Variants in RAB6B observed in about 807,000 individuals in gnomAD.
The protein encoded by RAB6B is RAB6B, member RAS oncogene family.
In RAB6B, 7 loss-of-function variants were observed where a neutral mutation model predicts 31.2. The ratio of observed to expected loss-of-function variants is 0.22; its 90% CI spans 0.13 to 0.42. The LOEUF (loss-of-function observed/expected upper bound fraction) is 0.42. Among genes scored for constraint, RAB6B ranks in the 10% least tolerant of loss-of-function variants. The pLI, the probability that RAB6B is intolerant of heterozygous loss-of-function variation, is 1.00. For missense variants in RAB6B, 149 were observed against 280.6 expected, an observed-to-expected ratio of 0.53 and a Z score of 3.35; for synonymous variants, 105 against 104.9, an observed-to-expected ratio of 1.00 and a Z score of -0.01.
At chr3:133,836,980 G>A (rs573841007) in intron 6 of RAB6B, among the ~76,000 whole-genome samples, 2 of 152,332 alleles carry the variant, frequency 1.3e-5, no homozygotes, top group South Asian at 2.1e-4. Context: ...GAAGGCCAGT[G>A]CTGTATACAC....
At chr3:133,874,014 G>A (rs1254410776) in intron 1 of RAB6B, among the ~76,000 whole-genome samples, 1 of 152,138 alleles carries the variant, frequency 6.6e-6, no homozygotes, top group Non-Finnish European at 1.5e-5. Context: ...TTGTCTTTAC[G>A]TTGAATAGGC....
rs1422989361 is a variant in RAB6B, at chr3:133,825,213, T to G, written c.*3575A>C. 1 of 152,214 alleles carries G rather than the reference T, an allele frequency of 6.6e-6. No individual in the cohort carries two copies. The highest frequency in any genetic ancestry group is 1.5e-5 in the Non-Finnish European group (1 of 68,042). The allele number at this position is 152,214 out of a possible 1,614,324, so 9.4% of individuals were successfully genotyped here. A position where few individuals can be genotyped will look rare whatever the true frequency, so the allele number is the denominator to read the frequency against. On this transcript the variant is annotated 3_prime_UTR_variant, in exon 8 of 8. Coordinates refer to ENST00000285208, the MANE Select transcript of RAB6B (RefSeq NM_016577.4). The stretch of plus-strand genomic sequence containing the variant: ...ACCTGCCTTCCATCTTGTGAAGGAA[T>G]GAGGCTGCTCTACCTGCAGGATGCT...
At chr3:133,856,134 T>C (rs147339802) in intron 2 of RAB6B, among the ~76,000 whole-genome samples, 4 of 152,210 alleles carry the variant, frequency 2.6e-5, no homozygotes, top group African/African-American at 9.6e-5. Flanking sequence ...ACATGACTTC[T>C]TGCACCTACA....
chr3:133,839,445 C>T, intron 5 of RAB6B, 61 bp downstream of exon 5: 1 of 1,412,728 alleles, frequency 7.1e-7, no homozygotes, highest in East Asian at 2.3e-5. Flanking sequence ...AGCTCCCTGT[C>T]CAGGAGCAGT....
intron 1 of RAB6B, among the ~76,000 whole-genome samples, chr3:133,865,664 T>A (rs1936228621): frequency 6.6e-6 from 1 of 152,232 alleles, no homozygotes. Flanking sequence ...GGACAGGTAA[T>A]GCTGGCAGGC....
At position 133,828,073 on chromosome 3, in the gene RAB6B, T is replaced by G. The variant is rs575572282; in HGVS notation, c.*715A>C. 3.0e-6 allele frequency: 2 copies of G among 676,246 alleles called. No individual in the cohort carries two copies. Among genetic ancestry groups the G allele is most frequent in the South Asian group, 1.6e-5 (1 of 63,896 alleles). 41.9% of individuals were successfully genotyped at this position (676,246 alleles called of 1,614,324 possible). On this transcript the variant is annotated 3_prime_UTR_variant, in exon 8 of 8. Transcript: ENST00000285208. ...CTGTACCCTCAACCCCCTTCAAGGC[T>G]TTTCAGGGAAAGAGAAGGAGAGGTG...
chr3:133,884,699 A>T (rs986168954), intron 1 of RAB6B, among the ~76,000 whole-genome samples: 5 of 151,108 alleles, frequency 3.3e-5, no homozygotes, highest in Non-Finnish European at 7.4e-5. Context: ...GTGCTCACAC[A>T]CCCAGTGCCC....
At chr3:133,865,046 C>G (rs1401758036) in intron 1 of RAB6B, among the ~76,000 whole-genome samples, 1 of 152,248 alleles carries the variant, frequency 6.6e-6, no homozygotes, top group East Asian at 1.9e-4. Flanking sequence ...TGGTCATACA[C>G]TGGAATGGAA....
chr3:133,875,856 CA>C (rs1936387815), intron 1 of RAB6B, among the ~76,000 whole-genome samples: 1 of 152,132 alleles, frequency 6.6e-6, no homozygotes. Flanking sequence ...ACGCTGGTGC[CA>C]AGAGTCAACC....
At chr3:133,838,312 C>A in intron 5 of RAB6B, 53 bp from the exon 6 acceptor site, 2 of 1,542,126 alleles carry the variant, frequency 1.3e-6, no homozygotes, top group Non-Finnish European at 9.0e-7. Context: ...CAGACCCTGG[C>A]AGATATGAGG....
chr3:133,859,951 T>A (rs553210023), intron 2 of RAB6B, among the ~76,000 whole-genome samples: 3 of 152,236 alleles, frequency 2.0e-5, no homozygotes, highest in Admixed American at 2.0e-4. Flanking sequence ...TAAAAAGACA[T>A]GTGGCCAAGA....
chr3:133,845,571 A>C (rs1325132021), intron 2 of RAB6B, among the ~76,000 whole-genome samples: 1 of 152,244 alleles, frequency 6.6e-6, no homozygotes, highest in Non-Finnish European at 1.5e-5. Context: ...AGCAGCCTGA[A>C]TGGATGAAGA....
rs879635092 is a variant in RAB6B at position 133,824,691 on chromosome 3, CTT to C, written c.*4095_*4096del. 2.6e-5 allele frequency: 4 copies of C among 152,200 alleles called. No homozygotes were observed. Among genetic ancestry groups the C allele is most frequent in the Non-Finnish European group, 5.9e-5 (4 of 68,062 alleles). 9.4% of individuals were successfully genotyped at this position (152,200 alleles called of 1,614,324 possible). On this transcript the variant is annotated 3_prime_UTR_variant, in exon 8 of 8. Coordinates refer to ENST00000285208, the MANE Select transcript of RAB6B (RefSeq NM_016577.4). ...GCCCATGACAATCAATCAGAGTAGA[CTT>C]GGGGACTGGCCCTTGTGCAGTAGAG...
intron 1 of RAB6B, among the ~76,000 whole-genome samples, chr3:133,894,881 C>T (rs1936685372): frequency 6.6e-6 from 1 of 152,218 alleles, no homozygotes; most frequent in African/African-American, 2.4e-5. Context: ...ACGCCCTGGA[C>T]GTGCCCTTTC....
chr3:133,871,046 G>A (rs966959999), intron 1 of RAB6B, among the ~76,000 whole-genome samples: 1 of 152,248 alleles, frequency 6.6e-6, no homozygotes, highest in Non-Finnish European at 1.5e-5. Context: ...CAGGTCCCAG[G>A]TAAACAGATT....
chr3:133,866,622 G>A (rs561755012), intron 1 of RAB6B, among the ~76,000 whole-genome samples: 1 of 152,362 alleles, frequency 6.6e-6, no homozygotes, highest in African/African-American at 2.4e-5. Flanking sequence ...GCTATAAAGA[G>A]CATTCTGACT....
intron 1 of RAB6B, among the ~76,000 whole-genome samples, chr3:133,868,199 C>T (rs1374916199): frequency 6.6e-6 from 1 of 152,224 alleles, no homozygotes; most frequent in African/African-American, 2.4e-5. Context: ...TCAGCCCACA[C>T]CTGCCCTCAA....
intron 7 of RAB6B, among the ~76,000 whole-genome samples, chr3:133,832,423 T>G (rs1935668011): frequency 6.6e-6 from 1 of 152,122 alleles, no homozygotes. Context: ...GGAAACCTCA[T>G]GCCACACATT....
At position 133,895,690 on chromosome 3, in the gene RAB6B, T is replaced by C; in HGVS notation, c.-224A>G. ...GAGAGAGGCGGAGGCGGAGGAAGGC[T>C]GGGGCTGGGCTGCTGCGGTCGGCAC... is the stretch of plus-strand genomic sequence containing the variant. On this transcript the variant is annotated 5_prime_UTR_variant, in exon 1 of 8. Transcript: ENST00000285208. 1.7e-6 allele frequency: 1 copy of C among 577,592 alleles called. No homozygotes were observed. The highest frequency in any genetic ancestry group is 3.1e-5 in the East Asian group (1 of 32,446). 35.8% of individuals were successfully genotyped at this position (577,592 alleles called of 1,614,324 possible).
Sources: allele counts gnomAD v4.1 joint callset (sites outside exome capture counted in the v4.1 genomes callset), GRCh38; gene constraint gnomAD v4.1.1; transcripts MANE v1.5; gene names NCBI Gene and HGNC (gene_info 2026-07-23, HGNC 2026-07-21).